Variants in VPS37A observed in about 807,000 individuals in gnomAD.
VPS37A encodes vacuolar protein sorting-associated protein 37A.
A neutral mutation model predicts 49.8 loss-of-function variants in VPS37A; 30 were observed. The ratio of observed to expected loss-of-function variants is 0.60; its 90% CI spans 0.45 to 0.82. VPS37A has a LOEUF of 0.82. Among genes scored for constraint, VPS37A ranks in the 40% least tolerant of loss-of-function variants. VPS37A has a pLI of 0.00. For missense variants in VPS37A, 593 were observed against 464.4 expected (o/e 1.28, Z -2.55); for synonymous variants, 195 against 160.6 (o/e 1.21, Z -1.62).
At chr8:17,299,601 T>A, downstream of VPS37A, 1 of 454,012 alleles carries the variant, frequency 2.2e-6, no homozygotes, top group Admixed American at 3.5e-5. Flanking sequence ...GTAATTGCTC[T>A]GCAGTGAATA....
chr8:17,262,068 G>T (rs544776479), intron 1 of VPS37A, among the ~76,000 whole-genome samples: 1 of 152,044 alleles, frequency 6.6e-6, no homozygotes, highest in African/African-American at 2.4e-5. Flanking sequence ...TGTAGAAATC[G>T]TGAGTCGAGG....
At chr8:17,260,419 G>A (rs563961701) in intron 1 of VPS37A, among the ~76,000 whole-genome samples, 87 of 151,994 alleles carry the variant, frequency 5.7e-4, no homozygotes, top group Non-Finnish European at 1.1e-3. Flanking sequence ...CTCTTAACAG[G>A]TGGTTGTAGC....
At chr8:17,330,549 A>G in the VPS37A span, among the ~76,000 whole-genome samples, 2 of 152,238 alleles carry the variant, frequency 1.3e-5, no homozygotes, top group African/African-American at 2.4e-5. Context: ...GGTTGGCCAC[A>G]TGAATAACTC....
At chr8:17,284,711 AT>A (rs1336283463) in intron 10 of VPS37A, 95 bp downstream of exon 10, 2 of 1,369,868 alleles carry the variant, frequency 1.5e-6, no homozygotes, top group African/African-American at 3.0e-5. Flanking sequence ...TTTCTCTATT[AT>A]GATATCATCC....
At chr8:17,268,761 A>G in intron 3 of VPS37A, 95 bp from the exon 4 acceptor site, 2 of 851,456 alleles carry the variant, frequency 2.3e-6, no homozygotes, top group East Asian at 5.2e-5. Flanking sequence ...CTTGACCTGC[A>G]AAAGTAAGTT....
downstream of VPS37A, chr8:17,302,323 T>C (rs1563312578): frequency 6.4e-7 from 1 of 1,572,526 alleles, no homozygotes; most frequent in Non-Finnish European, 8.6e-7. Context: ...CTTATCACAG[T>C]CTGAAAATTC....
chr8:17,287,135 C>G (rs547206152), intron 11 of VPS37A, among the ~76,000 whole-genome samples: 1 of 152,270 alleles, frequency 6.6e-6, no homozygotes, highest in East Asian at 1.9e-4. Flanking sequence ...AGATGCCTTT[C>G]CTTTTCCTCT....
At chr8:17,270,083 A>G (rs1813833559) in intron 4 of VPS37A, among the ~76,000 whole-genome samples, 1 of 152,104 alleles carries the variant, frequency 6.6e-6, no homozygotes, top group Non-Finnish European at 1.5e-5. Flanking sequence ...GTCAGATCTC[A>G]TGAGAACTCA....
intron 11 of VPS37A, 159 bp downstream of exon 11, chr8:17,286,586 TA>T (rs1204934123): frequency 1.7e-6 from 1 of 572,696 alleles, no homozygotes; most frequent in Admixed American, 3.5e-5. Context: ...ATAATAAGCA[TA>T]ATATAAACAT....
chr8:17,291,524 AT>A (rs1437729141), intron 11 of VPS37A, among the ~76,000 whole-genome samples: 4 of 147,866 alleles, frequency 2.7e-5, no homozygotes, highest in South Asian at 2.1e-4. Flanking sequence ...TAGCTTTTGA[AT>A]TTGTTTGCTC....
intron 1 of VPS37A, among the ~76,000 whole-genome samples, chr8:17,259,647 C>G (rs1279609076): frequency 2.0e-5 from 3 of 152,064 alleles, no homozygotes; most frequent in African/African-American, 7.2e-5. Context: ...TCTGGATGAT[C>G]TTTGCATTAC....
At chr8:17,304,390 G>A (rs772446757), downstream of VPS37A, 1 of 1,612,662 alleles carries the variant, frequency 6.2e-7, no homozygotes, top group Non-Finnish European at 8.5e-7. Flanking sequence ...TGTACATGAA[G>A]TTACATGGTG....
At chr8:17,332,041 G>C in the VPS37A span, among the ~76,000 whole-genome samples, 1 of 147,336 alleles carries the variant, frequency 6.8e-6, no homozygotes, top group Non-Finnish European at 1.5e-5. Context: ...TCAAGAAGGG[G>C]ACAAGTCCTA....
the VPS37A span, among the ~76,000 whole-genome samples, chr8:17,320,454 G>C: frequency 1.3e-5 from 2 of 152,106 alleles, no homozygotes; most frequent in Non-Finnish European, 2.9e-5. Flanking sequence ...GAGCTGAGAA[G>C]GGAGAGCTGG....
rs1450527909 is a variant in VPS37A, at chr8:17,275,014, A to T, written c.642+56A>T. ...CCACTGAAACATTCATTCAATCCACACACCTTTATTACATGCCTCTGTGTG... is the reference window on the plus strand; with the variant it reads ...CCACTGAAACATTCATTCAATCCACTCACCTTTATTACATGCCTCTGTGTG... On this transcript the variant is annotated intron_variant, in intron 5 of 11. Transcript: ENST00000324849. The T allele has an allele frequency of 6.7e-6, 10 of 1,495,726 alleles. No homozygotes were observed. In the East Asian group the frequency reaches 2.0e-4, roughly 30 times the overall value. 92.7% of individuals were successfully genotyped at this position (1,495,726 alleles called of 1,614,324 possible).
intron 1 of VPS37A, among the ~76,000 whole-genome samples, chr8:17,257,412 G>A (rs1410349210): frequency 1.3e-5 from 2 of 152,074 alleles, no homozygotes; most frequent in South Asian, 2.1e-4. Context: ...GGTCTTGTGA[G>A]TCCATATAAA....
At position 17,295,378 on chromosome 8, in the gene VPS37A, C is replaced by A. The variant is rs1359688193; in HGVS notation, c.*392C>A. The A allele has an allele frequency of 6.6e-6, 1 of 152,162 alleles. No individual in the cohort carries two copies. The highest frequency in any genetic ancestry group is 1.5e-5 in the Non-Finnish European group (1 of 67,946). 9.4% of individuals were successfully genotyped at this position (152,162 alleles called of 1,614,324 possible). A position where few individuals can be genotyped will look rare whatever the true frequency, so the allele number is the denominator to read the frequency against. On this transcript the variant is annotated 3_prime_UTR_variant, in exon 12 of 12. Coordinates refer to ENST00000324849, the MANE Select transcript of VPS37A (RefSeq NM_152415.3). Reference sequence around the variant, plus strand: ...CAAGGATGGTATTTAGATTTTTTTCCTCTTAACCTTTTTTCAAAAACTATT... The same window carrying A: ...CAAGGATGGTATTTAGATTTTTTTCATCTTAACCTTTTTTCAAAAACTATT...
the VPS37A span, among the ~76,000 whole-genome samples, chr8:17,315,555 A>C: frequency 6.6e-6 from 1 of 152,172 alleles, no homozygotes; most frequent in Non-Finnish European, 1.5e-5. Flanking sequence ...GTGGCTGTGC[A>C]TGTGTGCAGG....
Position 17,280,249 on chromosome 8 carries a change from C to A in VPS37A, c.852C>A (p.Leu284=), listed in dbSNP as rs1174262580. Residue 284 remains leucine, a synonymous_variant, in exon 8 of 12, where the codon CTC becomes CTA. Coordinates refer to ENST00000324849, the MANE Select transcript of VPS37A (RefSeq NM_152415.3). ...KSIEELARKN[L]LLEPSLEAKR... Reference sequence around the variant, plus strand: ...AGATTTATCTTACAGGAAAAAATCTCCTTTTGGAGCCCAGCTTGGAAGCCA... The same window carrying A: ...AGATTTATCTTACAGGAAAAAATCTACTTTTGGAGCCCAGCTTGGAAGCCA... 1.2e-6 allele frequency: 2 copies of A among 1,612,590 alleles called. No individual in the cohort carries two copies. The highest frequency in any genetic ancestry group is 1.7e-6 in the Non-Finnish European group (2 of 1,179,258).
Sources: allele counts gnomAD v4.1 joint callset (sites outside exome capture counted in the v4.1 genomes callset), GRCh38; gene constraint gnomAD v4.1.1; transcripts MANE v1.5; gene names NCBI Gene and HGNC (gene_info 2026-07-23, HGNC 2026-07-21).